The following ITPRIP variants were observed in gnomAD, a reference collection of about 807,000 sequenced individuals.
The protein encoded by ITPRIP is inositol 1,4,5-trisphosphate receptor interacting protein.
Under a neutral mutation model 35.8 loss-of-function variants are expected in ITPRIP, and 32 were observed. The ratio of observed to expected loss-of-function variants is 0.89; its 90% CI spans 0.68 to 1.20. ITPRIP has a LOEUF of 1.20. Among genes scored for constraint, ITPRIP ranks in the 50% most tolerant of loss-of-function variants. The pLI is 0.00. For synonymous variants in ITPRIP, 358 were observed against 324.0 expected (o/e 1.11, Z -1.13); for missense variants, 653 against 735.6 (o/e 0.89, Z 1.30).
chr10:104,311,576 G>C lies in ITPRIP; in HGVS notation c.*2832C>G, dbSNP rs1470790019. The C allele has an allele frequency of 1.3e-5, 2 of 152,244 alleles. No homozygotes were observed. Among genetic ancestry groups the C allele is most frequent in the Admixed American group, 1.3e-4 (2 of 15,288 alleles). 9.4% of individuals were successfully genotyped at this position (152,244 alleles called of 1,614,324 possible). ...GTGCTTCAGCCAGGCATGCAGAGGG[G>C]CTAGAGCTTTTGAGGATATAAGGCC... On this transcript the variant is annotated 3_prime_UTR_variant, in exon 2 of 2. Transcript: ENST00000337478.
rs1205608333 is a variant in ITPRIP, at chr10:104,310,761, G to C, written c.*3647C>G. 1.1e-4 allele frequency: 16 copies of C among 152,044 alleles called. No homozygotes were observed. Among genetic ancestry groups the C allele is most frequent in the Admixed American group, 1.0e-3 (16 of 15,272 alleles). 9.4% of individuals were successfully genotyped at this position (152,044 alleles called of 1,614,324 possible). A position where few individuals can be genotyped will look rare whatever the true frequency, so the allele number is the denominator to read the frequency against. Reference sequence around the variant, plus strand: ...AATGTCTTTCCTGGCCACAGTCCTGGTCATTTTTCAGAGTCTCTATCTGGC... The same window carrying C: ...AATGTCTTTCCTGGCCACAGTCCTGCTCATTTTTCAGAGTCTCTATCTGGC... On this transcript the variant is annotated 3_prime_UTR_variant, in exon 2 of 2. Coordinates refer to ENST00000337478, the MANE Select transcript of ITPRIP (RefSeq NM_001272013.2).
At chr10:104,336,933 T>C (rs536290551) in intron 1 of ITPRIP, among the ~76,000 whole-genome samples, 2 of 152,328 alleles carry the variant, frequency 1.3e-5, no homozygotes, top group South Asian at 4.1e-4. Flanking sequence ...TTACTGAGCA[T>C]GAGAAGAATG....
In ITPRIP at chr10:104,316,084, T is replaced by G. The variant is rs1200964061; in HGVS notation, c.-13-20A>C. On this transcript the variant is annotated intron_variant, in intron 1 of 1. Coordinates refer to ENST00000337478, the MANE Select transcript of ITPRIP (RefSeq NM_001272013.2). Reference sequence around the variant, plus strand: ...GCTTTCCTGGGAACAGAGAGACAGATGGTCACACCAAGCTTCCCTCAATGC... The same window carrying G: ...GCTTTCCTGGGAACAGAGAGACAGAGGGTCACACCAAGCTTCCCTCAATGC... 6.6e-7 allele frequency: 1 copy of G among 1,525,302 alleles called. No homozygotes were observed. Among genetic ancestry groups the G allele is most frequent in the Non-Finnish European group, 8.8e-7 (1 of 1,140,442 alleles). The allele number at this position is 1,525,302 out of a possible 1,614,324, so 94.5% of individuals were successfully genotyped here. A position where few individuals can be genotyped will look rare whatever the true frequency, so the allele number is the denominator to read the frequency against.
intron 1 of ITPRIP, among the ~76,000 whole-genome samples, chr10:104,334,447 T>C (rs1022695395): frequency 6.6e-6 from 1 of 152,244 alleles, no homozygotes; most frequent in Non-Finnish European, 1.5e-5. Context: ...CTTACTCTCA[T>C]GGCCTGGCCC....
At position 104,327,210 on chromosome 10, in the gene ITPRIP, G is replaced by A. The variant is rs566287523; in HGVS notation, c.-14+11036C>T. ...TTCCACGTGAGATGGAATCTCTCTC[G>A]TGTGCTGGCCAGCGTAGGCCTTTGG... On this transcript the variant is annotated intron_variant, in intron 1 of 1. Transcript: ENST00000337478. Among the ~76,000 whole-genome samples the A allele has an allele frequency of 4.6e-5, 7 of 152,160 alleles. No individual in the cohort carries two copies. In the South Asian group the frequency reaches 6.2e-4, roughly 14 times the overall value.
intron 1 of ITPRIP, among the ~76,000 whole-genome samples, chr10:104,336,600 TCCCAACCAAGTGATC>T (rs2014241957): frequency 1.7e-5 from 1 of 58,284 alleles, no homozygotes; most frequent in Admixed American, 1.3e-4. Context: ...AACCAAGTGA[TCCCAACCAAGTGATC>T]CCAGCTCTAA....
In ITPRIP at chr10:104,315,023, G is replaced by C. The variant is rs2135177418; in HGVS notation, c.1029C>G (p.Phe343Leu). 6.2e-7 allele frequency: 1 copy of C among 1,614,160 alleles called. No homozygotes were observed. The highest frequency in any genetic ancestry group is 2.2e-5 in the East Asian group (1 of 44,870). ...SLKIKFRSGKFMPFNLIPVIQ... is the reference protein window; with the variant it reads ...SLKIKFRSGKLMPFNLIPVIQ... ...TCACAGGAATCAGGTTGAAGGGCAT[G>C]AACTTCCCTGAACGGAACTTGATCT... The change falls in exon 2 of 2, where the codon TTC becomes TTG. Residue 343 changes from phenylalanine to leucine, a missense_variant. Transcript: ENST00000337478. The surrounding 1 kb of genome is among the most constrained non-coding windows in gnomAD (Gnocchi z 5.7).
Position 104,328,890 on chromosome 10 carries a change from A to G in ITPRIP, c.-14+9356T>C, listed in dbSNP as rs276216. The G allele has an allele frequency of 0.4, 60,401 of 151,836 alleles. 13,831 individuals carry two copies. Among genetic ancestry groups the G allele is most frequent in the African/African-American group, 0.64 (26,374 of 41,334 alleles). 9.4% of individuals were successfully genotyped at this position (151,836 alleles called of 1,614,324 possible). On this transcript the variant is annotated intron_variant, in intron 1 of 1. Transcript: ENST00000337478. This position sits in a 1 kb window ranked among gnomAD's most constrained non-coding sequence, Gnocchi z 4.1. Reference sequence around the variant, plus strand: ...CCACGTCCTGGCTTCCTGAGATTCTAGGCCCCACACAGTGAAAGAAATCCC... The same window carrying G: ...CCACGTCCTGGCTTCCTGAGATTCTGGGCCCCACACAGTGAAAGAAATCCC...
In ITPRIP at chr10:104,315,266, G is replaced by C; in HGVS notation, c.786C>G (p.Leu262=). 1.2e-6 allele frequency: 2 copies of C among 1,606,684 alleles called. No individual in the cohort carries two copies. Among genetic ancestry groups the C allele is most frequent in the Non-Finnish European group, 1.7e-6 (2 of 1,175,168 alleles). The part of the protein sequence containing the change: ...TLSCICGKTK[L]GEDMLCLLHG... ...GCAGGAGACACAGCATGTCTTCCCC[G>C]AGCTTGGTCTTGCCGCAGATGCAGC... The change falls in exon 2 of 2, where the codon CTC becomes CTG. Residue 262 remains leucine (L), a synonymous_variant. Transcript: ENST00000337478. The surrounding 1 kb of genome is among the most constrained non-coding windows in gnomAD (Gnocchi z 5.7).
intron 1 of ITPRIP, among the ~76,000 whole-genome samples, chr10:104,322,691 A>G (rs1021050223): frequency 2.0e-5 from 3 of 152,232 alleles, no homozygotes. Context: ...GACAGATGCA[A>G]TTAGCTCTGC....
chr10:104,330,937 T>C (rs979167430), intron 1 of ITPRIP, among the ~76,000 whole-genome samples: 2 of 152,202 alleles, frequency 1.3e-5, no homozygotes, highest in Non-Finnish European at 2.9e-5. Flanking sequence ...CTGTGAAACA[T>C]TAGACATGTA....
At chr10:104,319,513 C>T (rs1288838697) in intron 1 of ITPRIP, among the ~76,000 whole-genome samples, 7 of 152,196 alleles carry the variant, frequency 4.6e-5, no homozygotes, top group Non-Finnish European at 1.0e-4. Flanking sequence ...TCCTGCAGGT[C>T]AGGGGTTCCC....
At chr10:104,324,267 T>G in intron 1 of ITPRIP, among the ~76,000 whole-genome samples, 1 of 152,130 alleles carries the variant, frequency 6.6e-6, no homozygotes, top group East Asian at 1.9e-4. Context: ...TCAGAGCTGC[T>G]CCCACCAGGG....
At chr10:104,329,860 G>A (rs2014112752) in intron 1 of ITPRIP, among the ~76,000 whole-genome samples, 1 of 152,208 alleles carries the variant, frequency 6.6e-6, no homozygotes, top group Admixed American at 6.5e-5. Flanking sequence ...TACTGGTGCT[G>A]CGGTCATGTC....
chr10:104,314,317 C>G lies in ITPRIP; in HGVS notation c.*91G>C. 1 of 1,521,330 alleles carries G rather than the reference C, an allele frequency of 6.6e-7. No individual in the cohort carries two copies. Among genetic ancestry groups the G allele is most frequent in the Non-Finnish European group, 8.8e-7 (1 of 1,136,224 alleles). The allele number at this position is 1,521,330 out of a possible 1,614,324, so 94.2% of individuals were successfully genotyped here. A position where few individuals can be genotyped will look rare whatever the true frequency, so the allele number is the denominator to read the frequency against. ...CGGCTCCCACGAAAGCCCGCCTTGT[C>G]CCCAGAACAGGGCTGGCAGATGCCA... On this transcript the variant is annotated 3_prime_UTR_variant, in exon 2 of 2. Transcript: ENST00000337478.
In ITPRIP at chr10:104,328,601, G is replaced by C. The variant is rs2014081500; in HGVS notation, c.-14+9645C>G. Among the ~76,000 whole-genome samples, 1 of 152,104 alleles carries C rather than the reference G, an allele frequency of 6.6e-6. No homozygotes were observed. The highest frequency in any genetic ancestry group is 2.4e-5 in the African/African-American group (1 of 41,400). On this transcript the variant is annotated intron_variant, in intron 1 of 1. Transcript: ENST00000337478. The surrounding 1 kb of genome is among the most constrained non-coding windows in gnomAD (Gnocchi z 4.1). The stretch of plus-strand genomic sequence containing the variant: ...GAGTAAACACAAAGGAAAACAAGGA[G>C]GGAACAAAGCCCTCCCTTGGCCACT...
chr10:104,335,056 C>T (rs1470366019), intron 1 of ITPRIP, among the ~76,000 whole-genome samples: 1 of 152,186 alleles, frequency 6.6e-6, no homozygotes, highest in Non-Finnish European at 1.5e-5. Context: ...TGCCCTGGGA[C>T]AGGTGACGTG....
rs935654717 is a variant in ITPRIP at position 104,313,678 on chromosome 10, C to A, written c.*730G>T. On this transcript the variant is annotated 3_prime_UTR_variant, in exon 2 of 2. Transcript: ENST00000337478. Reference sequence around the variant, plus strand: ...GGGACCCAGTACGTTGGGGAAAGGACAGCAGAAGGGGGTGCACCTGAGTGA... The same window carrying A: ...GGGACCCAGTACGTTGGGGAAAGGAAAGCAGAAGGGGGTGCACCTGAGTGA... 1.0e-6 allele frequency: 1 copy of A among 985,520 alleles called. No individual in the cohort carries two copies. The highest frequency in any genetic ancestry group is 1.2e-6 in the Non-Finnish European group (1 of 829,990). The allele number at this position is 985,520 out of a possible 1,614,324, so 61.0% of individuals were successfully genotyped here.
intron 1 of ITPRIP, among the ~76,000 whole-genome samples, chr10:104,318,565 A>C (rs573168826): frequency 2.6e-5 from 4 of 152,198 alleles, no homozygotes; most frequent in Admixed American, 6.5e-5. Context: ...GCCACACTTC[A>C]TGGTGCTACT....
Sources: allele counts gnomAD v4.1 joint callset (sites outside exome capture counted in the v4.1 genomes callset), GRCh38; gene constraint gnomAD v4.1.1; non-coding constraint Gnocchi (gnomAD v3.1); transcripts MANE v1.5; gene names NCBI Gene and HGNC (gene_info 2026-07-23, HGNC 2026-07-21).